The following TSHZ3 variants were observed in gnomAD, a reference collection of about 807,000 sequenced individuals.
TSHZ3 encodes teashirt homolog 3.
A neutral mutation model predicts 64.5 loss-of-function variants in TSHZ3; 10 were observed. The ratio of observed to expected loss-of-function variants is 0.16; its 90% CI spans 0.10 to 0.26. TSHZ3 has a LOEUF of 0.26. Ranked by LOEUF, TSHZ3 falls within the 10% of genes least tolerant of loss-of-function variation. The pLI, the probability that TSHZ3 is intolerant of heterozygous loss-of-function variation, is 1.00. For missense variants in TSHZ3, 1,242 were observed against 1,421.7 expected, an observed-to-expected ratio of 0.87 and a Z score of 2.03; for synonymous variants, 608 against 593.1, an observed-to-expected ratio of 1.03 and a Z score of -0.36.
intron 4 of TSHZ3, among the ~76,000 whole-genome samples, chr19:31,220,313 T>A (rs1975381081): frequency 6.6e-6 from 1 of 152,162 alleles, no homozygotes; most frequent in Admixed American, 6.5e-5. Flanking sequence ...AAGATTGAAA[T>A]CCAGTTATCT....
At chr19:31,314,972 ATGCG>A (rs1916561321) in intron 1 of TSHZ3, among the ~76,000 whole-genome samples, 1 of 152,184 alleles carries the variant, frequency 6.6e-6, no homozygotes, top group Non-Finnish European at 1.5e-5. Flanking sequence ...AACTCTACAG[ATGCG>A]TGCTGGACAG....
intron 1 of TSHZ3, among the ~76,000 whole-genome samples, chr19:31,293,963 G>C (rs147835322): frequency 1.3e-5 from 2 of 152,236 alleles, no homozygotes; most frequent in East Asian, 3.9e-4. Context: ...GAAGTCCCAC[G>C]TGCTCTCTGA....
intron 4 of TSHZ3, among the ~76,000 whole-genome samples, chr19:31,217,202 C>G (rs1306967452): frequency 6.6e-6 from 1 of 152,138 alleles, no homozygotes; most frequent in Non-Finnish European, 1.5e-5. Context: ...CAGCTAGTGG[C>G]AGAATGTTGT....
At chr19:31,339,135 C>A (rs1406779657) in intron 1 of TSHZ3, among the ~76,000 whole-genome samples, 1 of 151,960 alleles carries the variant, frequency 6.6e-6, no homozygotes, top group South Asian at 2.1e-4. Context: ...AGATTCATTT[C>A]TACCACCCTT....
At chr19:31,305,649 G>C (rs1916271100) in intron 1 of TSHZ3, 1 of 152,214 alleles carries the variant, frequency 6.6e-6, no homozygotes, top group Non-Finnish European at 1.5e-5. Context: ...AAGTTCCACA[G>C]GCAGGCTTTA....
Position 31,314,851 on chromosome 19 carries a change from G to T in TSHZ3, c.40+34329C>A, listed in dbSNP as rs555836772. ...AGGAATTTGGGGGCACAGCTCCAGG[G>T]GAAGGCTCAGCTCATGGCCCCTGGG... On this transcript the variant is annotated intron_variant, in intron 1 of 1. Transcript: ENST00000240587. Among the ~76,000 whole-genome samples the T allele has an allele frequency of 3.3e-5, 5 of 152,326 alleles. 1 individual carries two copies. In the South Asian group the frequency reaches 1.0e-3, roughly 32 times the overall value.
chr19:31,269,815 G>T (rs758230145), intron 1 of TSHZ3, among the ~76,000 whole-genome samples: 1 of 152,320 alleles, frequency 6.6e-6, no homozygotes, highest in Admixed American at 6.5e-5. Flanking sequence ...AAGCAGGATG[G>T]CCTCCCCCGC....
chr19:31,272,287 G>C (rs559533007), downstream of TSHZ3, among the ~76,000 whole-genome samples: 1 of 152,194 alleles, frequency 6.6e-6, no homozygotes, highest in South Asian at 2.1e-4. Flanking sequence ...TGGAACTGTA[G>C]GTGGCCAGAG....
At chr19:31,177,881 T>G (rs970235641) in intron 5 of TSHZ3, among the ~76,000 whole-genome samples, 7 of 152,178 alleles carry the variant, frequency 4.6e-5, no homozygotes, top group African/African-American at 9.6e-5. Flanking sequence ...AGCAGTGACA[T>G]GAACCTGATG....
chr19:31,231,456 T>C (rs1352173680), intron 3 of TSHZ3, among the ~76,000 whole-genome samples: 1 of 152,206 alleles, frequency 6.6e-6, no homozygotes, highest in Non-Finnish European at 1.5e-5. Context: ...CAGCCTCGTA[T>C]TATGTAGCCT....
intron 4 of TSHZ3, among the ~76,000 whole-genome samples, chr19:31,221,683 A>C (rs900640451): frequency 6.6e-6 from 1 of 151,780 alleles, no homozygotes; most frequent in African/African-American, 2.4e-5. Context: ...TTACATGTCT[A>C]CTCCCTAACA....
intron 1 of TSHZ3, among the ~76,000 whole-genome samples, chr19:31,298,012 C>A (rs1254002499): frequency 6.6e-6 from 1 of 152,166 alleles, no homozygotes; most frequent in African/African-American, 2.4e-5. Context: ...TGGGCCACCA[C>A]CTCGGGCGCA....
At chr19:31,313,784 A>G (rs999722307) in intron 1 of TSHZ3, among the ~76,000 whole-genome samples, 22 of 152,308 alleles carry the variant, frequency 1.4e-4, no homozygotes, top group Non-Finnish European at 2.8e-4. Flanking sequence ...GAAAGGCCCC[A>G]TCGGAGCCAA....
chr19:31,263,113 G>A (rs1976002351), intron 1 of TSHZ3, among the ~76,000 whole-genome samples: 1 of 151,988 alleles, frequency 6.6e-6, no homozygotes, highest in African/African-American at 2.4e-5. Context: ...AGGGTGGTGT[G>A]GGTCTCTGCC....
intron 4 of TSHZ3, among the ~76,000 whole-genome samples, chr19:31,218,030 AAG>A (rs1417861258): frequency 6.6e-6 from 1 of 152,230 alleles, no homozygotes; most frequent in Non-Finnish European, 1.5e-5. Flanking sequence ...CATTCCGTGA[AAG>A]AGAGAAATGA....
At chr19:31,289,182 G>A (rs545916703) in intron 1 of TSHZ3, among the ~76,000 whole-genome samples, 2 of 152,298 alleles carry the variant, frequency 1.3e-5, no homozygotes, top group African/African-American at 4.8e-5. Flanking sequence ...TCCTGCTGTC[G>A]GGAATCTGGG....
intron 1 of TSHZ3, among the ~76,000 whole-genome samples, chr19:31,342,909 G>A (rs1422718222): frequency 6.6e-6 from 1 of 152,220 alleles, no homozygotes; most frequent in Non-Finnish European, 1.5e-5. Context: ...ATTAAAACAG[G>A]GATGGTTTGC....
At chr19:31,182,976 T>C (rs1055735928) in intron 5 of TSHZ3, among the ~76,000 whole-genome samples, 3 of 152,150 alleles carry the variant, frequency 2.0e-5, no homozygotes, top group Admixed American at 6.5e-5. Context: ...TAAATCTCCA[T>C]AATGTGGGTG....
chr19:31,191,556 C>T (rs1442309867), intron 5 of TSHZ3, among the ~76,000 whole-genome samples: 2 of 152,026 alleles, frequency 1.3e-5, no homozygotes, highest in Non-Finnish European at 2.9e-5. Flanking sequence ...GTCCACATGA[C>T]AGAAGGAAGA....
Sources: gnomAD v4.1 joint callset for allele counts (sites outside exome capture counted in the v4.1 genomes callset) on GRCh38, gnomAD v4.1.1 for gene constraint, MANE v1.5 for transcripts, NCBI Gene and HGNC (gene_info 2026-07-23, HGNC 2026-07-21) for gene names.